Variants in ZNF391 observed in about 807,000 individuals in gnomAD.
The protein encoded by ZNF391 is zinc finger protein 391.
For synonymous variants in ZNF391, 126 were observed against 142.1 expected (o/e 0.89, Z 0.80); for missense variants, 375 against 425.5 (o/e 0.88, Z 1.04).
chr6:27,388,470 G>C (rs754087732), upstream of ZNF391, among the ~76,000 whole-genome samples: 18 of 152,164 alleles, frequency 1.2e-4, no homozygotes, highest in Admixed American at 2.0e-4. Context: ...TGTAAATCTT[G>C]TGAAGCTGTA....
At chr6:27,382,199 G>T (rs1761521051) in intron 1 of ZNF391, among the ~76,000 whole-genome samples, 1 of 152,026 alleles carries the variant, frequency 6.6e-6, no homozygotes, top group African/African-American at 2.4e-5. Flanking sequence ...CGGGTGTAGT[G>T]ATGGGCGCCA....
rs1455993486 is a variant in ZNF391, at chr6:27,400,823, C to G, written c.453C>G (p.His151Gln). 3.7e-6 allele frequency: 6 copies of G among 1,614,046 alleles called. No homozygotes were observed. The Admixed American group carries it at 8.3e-5, about 22-fold the overall frequency. ...KCGKSFSRST[H>Q]LIEHQRTHTG... ...GGAAATCTTTCAGCCGAAGTACACA[C>G]CTTATTGAACATCAAAGAACTCACA... The change falls in exon 3 of 3, where the codon CAC becomes CAG. Residue 151 changes from histidine (H) to glutamine (Q), a missense_variant. Coordinates refer to ENST00000244576, the MANE Select transcript of ZNF391 (RefSeq NM_001076781.3).
At chr6:27,392,708 T>A (rs1342000284) in intron 1 of ZNF391, among the ~76,000 whole-genome samples, 1 of 152,220 alleles carries the variant, frequency 6.6e-6, no homozygotes, top group Admixed American at 6.5e-5. Context: ...GGAGTTTAGT[T>A]TCTTGGCCAT....
chr6:27,380,691 A>G (rs9468082), intron 1 of ZNF391, among the ~76,000 whole-genome samples: 2,061 of 16,908 alleles, frequency 0.12, 109 homozygotes, highest in Middle Eastern at 0.3. Context: ...TCCCTGAGCT[A>G]GACACAAAGG....
At chr6:27,400,212 A>G (rs969211553) in intron 2 of ZNF391, 81 bp from the exon 3 acceptor site, 7 of 583,374 alleles carry the variant, frequency 1.2e-5, no homozygotes, top group Non-Finnish European at 2.0e-5. Flanking sequence ...AATTCAAATT[A>G]GTTGTCTTTT....
chr6:27,393,337 T>C (rs1761757091), intron 1 of ZNF391, among the ~76,000 whole-genome samples: 1 of 152,122 alleles, frequency 6.6e-6, no homozygotes, highest in Non-Finnish European at 1.5e-5. Flanking sequence ...TGTAAAAGTG[T>C]GTGGTACCTC....
intron 1 of ZNF391, among the ~76,000 whole-genome samples, chr6:27,382,061 G>A (rs1025126098): frequency 2.0e-5 from 3 of 147,706 alleles, no homozygotes; most frequent in East Asian, 2.0e-4. Context: ...GGCCGGCTGC[G>A]TTGGCTCACG....
chr6:27,394,667 C>T (rs1308806443), intron 1 of ZNF391, among the ~76,000 whole-genome samples: 1 of 152,238 alleles, frequency 6.6e-6, no homozygotes, highest in South Asian at 2.1e-4. Flanking sequence ...GGGCCACCAT[C>T]CAGACCCCAA....
At chr6:27,386,332 C>A (rs1341936199), upstream of ZNF391, among the ~76,000 whole-genome samples, 1 of 152,130 alleles carries the variant, frequency 6.6e-6, no homozygotes, top group Non-Finnish European at 1.5e-5. Context: ...GATGATAATA[C>A]AATTTGATAT....
chr6:27,386,694 G>C (rs1186898761), upstream of ZNF391, among the ~76,000 whole-genome samples: 2 of 152,078 alleles, frequency 1.3e-5, no homozygotes, highest in African/African-American at 4.8e-5. Flanking sequence ...GGGAAAACTG[G>C]ATATCCAAAT....
At chr6:27,392,589 G>A (rs1052235151) in intron 1 of ZNF391, among the ~76,000 whole-genome samples, 16 of 152,278 alleles carry the variant, frequency 1.1e-4, no homozygotes, top group African/African-American at 2.9e-4. Flanking sequence ...TGTTAGTGAG[G>A]CTGAGATTTA....
chr6:27,391,917 T>C (rs1456753852), intron 1 of ZNF391, among the ~76,000 whole-genome samples: 1 of 152,202 alleles, frequency 6.6e-6, no homozygotes, highest in African/African-American at 2.4e-5. Flanking sequence ...CCTTGAGATC[T>C]TACATGTCTC....
chr6:27,400,344 G>A lies in ZNF391; in HGVS notation c.-27G>A, dbSNP rs766093. The A allele has an allele frequency of 0.012, 19,036 of 1,552,400 alleles. 357 individuals carry two copies. The highest frequency in any genetic ancestry group is 0.088 in the African/African-American group (6,404 of 72,414). On this transcript the variant is annotated 5_prime_UTR_variant, in exon 3 of 3. Coordinates refer to ENST00000244576, the MANE Select transcript of ZNF391 (RefSeq NM_001076781.3). ...CATCAACACCAATCAGACTGTTTCC[G>A]AAGAACTAGAGTTTTCTGGGTCAGC... is the stretch of plus-strand genomic sequence containing the variant.
upstream of ZNF391, chr6:27,388,734 C>T (rs974716319): frequency 1.2e-5 from 4 of 340,942 alleles, no homozygotes; most frequent in African/African-American, 8.8e-5. Context: ...GAGCTGCGAC[C>T]GCTGCTGATA....
rs1761665747 is a variant in ZNF391 at position 27,389,850 on chromosome 6, A to C, written c.-188+775A>C. On this transcript the variant is annotated intron_variant, in intron 1 of 2. Transcript: ENST00000244576. ...AGTACTTGCTTGAGTGCCAGTCCTTAGTTTATGTTTCTGATGATGAAGGTT... is the reference window on the plus strand; with the variant it reads ...AGTACTTGCTTGAGTGCCAGTCCTTCGTTTATGTTTCTGATGATGAAGGTT... Among the ~76,000 whole-genome samples, 3 of 152,302 alleles carry C rather than the reference A, an allele frequency of 2.0e-5. No homozygotes were observed. In the South Asian group the frequency reaches 6.2e-4, roughly 32 times the overall value.
upstream of ZNF391, among the ~76,000 whole-genome samples, chr6:27,384,826 T>A (rs1761562473): frequency 6.6e-6 from 1 of 152,116 alleles, no homozygotes; most frequent in African/African-American, 2.4e-5. Flanking sequence ...GAGACCAGCC[T>A]GGCCAACATG....
rs1170481050 is a variant in ZNF391 at position 27,401,079 on chromosome 6, A to G, written c.709A>G (p.Ile237Val). ...AGCCTTCGGTGACCGTTCAACCATA[A>G]TTCAGCATCAACGAATACACACTGG... ...GKAFGDRSTI[I>V]QHQRIHTGEN... Residue 237 changes from isoleucine (I) to valine (V), a missense_variant, in exon 3 of 3, where the codon ATT becomes GTT. By Grantham distance (29) the Ile-to-Val change is conservative. Coordinates refer to ENST00000244576, the MANE Select transcript of ZNF391 (RefSeq NM_001076781.3). 1 of 1,614,236 alleles carries G rather than the reference A, an allele frequency of 6.2e-7. No individual in the cohort carries two copies. The highest frequency in any genetic ancestry group is 8.5e-7 in the Non-Finnish European group (1 of 1,180,040).
At chr6:27,398,612 A>C (rs1450209966) in intron 1 of ZNF391, among the ~76,000 whole-genome samples, 1 of 152,198 alleles carries the variant, frequency 6.6e-6, no homozygotes, top group Non-Finnish European at 1.5e-5. Context: ...TAATCCCAGC[A>C]CTTTGGGAAG....
chr6:27,393,356 T>C (rs1761757557), intron 1 of ZNF391, among the ~76,000 whole-genome samples: 1 of 152,188 alleles, frequency 6.6e-6, no homozygotes, highest in Non-Finnish European at 1.5e-5. Flanking sequence ...TCTCCACCTC[T>C]TCTCCTGCTT....
Sources: gnomAD v4.1 joint callset for allele counts (sites outside exome capture counted in the v4.1 genomes callset) on GRCh38, gnomAD v4.1.1 for gene constraint, MANE v1.5 for transcripts, NCBI Gene and HGNC (gene_info 2026-07-23, HGNC 2026-07-21) for gene names.